The following SNTB2 variants were observed in gnomAD, a reference collection of about 807,000 sequenced individuals.
The protein encoded by SNTB2 is syntrophin beta 2.
A neutral mutation model predicts 46.2 loss-of-function variants in SNTB2; 34 were observed. The ratio of observed to expected loss-of-function variants is 0.74; its 90% CI spans 0.56 to 0.98. SNTB2 has a LOEUF of 0.98. Among genes scored for constraint, SNTB2 ranks in the 50% least tolerant of loss-of-function variants. The probability of loss-of-function intolerance (pLI) is 0.00; values close to 1 mark genes in which losing one functional copy is unlikely to be tolerated. For missense variants in SNTB2, 603 were observed against 731.4 expected (o/e 0.82, Z 2.02); for synonymous variants, 290 against 312.6 (o/e 0.93, Z 0.76).
At chr16:69,203,354 A>T in intron 1 of SNTB2, among the ~76,000 whole-genome samples, 1 of 151,346 alleles carries the variant, frequency 6.6e-6, no homozygotes, top group South Asian at 2.1e-4. Flanking sequence ...TTATTTTAAG[A>T]GACAGGGTCT....
intron 5 of SNTB2, among the ~76,000 whole-genome samples, chr16:69,290,941 C>T (rs1965154129): frequency 6.6e-6 from 1 of 152,156 alleles, no homozygotes; most frequent in Non-Finnish European, 1.5e-5. Flanking sequence ...GAAGGATATA[C>T]AATATCAGTC....
intron 2 of SNTB2, among the ~76,000 whole-genome samples, chr16:69,251,581 C>G (rs1197785147): frequency 6.6e-6 from 1 of 151,266 alleles, no homozygotes; most frequent in Non-Finnish European, 1.5e-5. Context: ...GAGTTCAAGA[C>G]CAGCCTGACC....
intron 1 of SNTB2, among the ~76,000 whole-genome samples, chr16:69,202,520 A>G (rs976599652): frequency 1.3e-5 from 2 of 151,952 alleles, no homozygotes; most frequent in African/African-American, 4.8e-5. Context: ...CTCCCACCTC[A>G]GCCTCCTGAG....
chr16:69,293,247 G>A (rs1488368255), intron 5 of SNTB2, among the ~76,000 whole-genome samples: 1 of 152,128 alleles, frequency 6.6e-6, no homozygotes, highest in Non-Finnish European at 1.5e-5. Context: ...ACAATCACCA[G>A]GGGAAACCCA....
chr16:69,271,684 T>G (rs1597194756), intron 4 of SNTB2, among the ~76,000 whole-genome samples: 1 of 152,214 alleles, frequency 6.6e-6, no homozygotes, highest in African/African-American at 2.4e-5. Flanking sequence ...AATATGGCTG[T>G]GGAGATCTCT....
At chr16:69,235,794 A>AGCT (rs2152295543) in intron 1 of SNTB2, 1 of 1,289,350 alleles carries the variant, frequency 7.8e-7, no homozygotes, top group Admixed American at 2.3e-5. Flanking sequence ...GGGGCACATC[A>AGCT]GCTGCTGTAC....
At chr16:69,207,829 CA>C (rs149811517) in intron 1 of SNTB2, among the ~76,000 whole-genome samples, 8,168 of 152,068 alleles carry the variant, frequency 0.054, 247 homozygotes, top group South Asian at 0.074. Context: ...AAAAATAGGC[CA>C]GGGGTGGTGG....
At position 69,306,549 on chromosome 16, in the gene SNTB2, A is replaced by G. The variant is rs1965317761; in HGVS notation, c.*5625A>G. The G allele has an allele frequency of 6.6e-6, 1 of 152,246 alleles. No individual in the cohort carries two copies. Among genetic ancestry groups the G allele is most frequent in the Non-Finnish European group, 1.5e-5 (1 of 68,042 alleles). The allele number at this position is 152,246 out of a possible 1,614,324, so 9.4% of individuals were successfully genotyped here. On this transcript the variant is annotated 3_prime_UTR_variant, in exon 7 of 7. Transcript: ENST00000336278. ...CCACCATATAAACCATAATCCTTGA[A>G]TTGCCCCTTTTAAAATAGATTGGTT...
chr16:69,253,126 C>T (rs1407165407), intron 2 of SNTB2, among the ~76,000 whole-genome samples: 1 of 151,314 alleles, frequency 6.6e-6, no homozygotes, highest in African/African-American at 2.4e-5. Flanking sequence ...GTCTCGATCT[C>T]CTGACCTCGT....
chr16:69,291,778 A>G (rs954278633), intron 5 of SNTB2, among the ~76,000 whole-genome samples: 1 of 152,130 alleles, frequency 6.6e-6, no homozygotes, highest in African/African-American at 2.4e-5. Flanking sequence ...TCTCTATGAA[A>G]AATTTTGAAA....
intron 5 of SNTB2, among the ~76,000 whole-genome samples, chr16:69,288,234 C>G (rs1965124802): frequency 6.6e-6 from 1 of 152,050 alleles, no homozygotes; most frequent in South Asian, 2.1e-4. Context: ...CTTGGATTTT[C>G]AGCATTTTTT....
chr16:69,253,683 T>C (rs1964746539), intron 2 of SNTB2, among the ~76,000 whole-genome samples: 1 of 152,156 alleles, frequency 6.6e-6, no homozygotes, highest in Non-Finnish European at 1.5e-5. Context: ...GCTGTTTAAC[T>C]GTCAGTGGGA....
intron 2 of SNTB2, among the ~76,000 whole-genome samples, chr16:69,259,061 C>G (rs1016440627): frequency 5.9e-5 from 9 of 151,990 alleles, no homozygotes; most frequent in Non-Finnish European, 1.3e-4. Context: ...TGTGGTTCAG[C>G]AAGCATGCTT....
chr16:69,224,188 A>C (rs1964435172), intron 1 of SNTB2, among the ~76,000 whole-genome samples: 1 of 150,522 alleles, frequency 6.6e-6, no homozygotes, highest in Admixed American at 6.8e-5. Context: ...TCTCCACATA[A>C]AGTTACTATT....
At chr16:69,287,686 C>G (rs1406153586) in intron 5 of SNTB2, among the ~76,000 whole-genome samples, 1 of 151,772 alleles carries the variant, frequency 6.6e-6, no homozygotes, top group Non-Finnish European at 1.5e-5. Flanking sequence ...TAGTGAAACC[C>G]CGTCTTTACT....
intron 4 of SNTB2, among the ~76,000 whole-genome samples, chr16:69,278,241 G>C (rs985721988): frequency 6.6e-6 from 1 of 152,024 alleles, no homozygotes; most frequent in Non-Finnish European, 1.5e-5. Flanking sequence ...GTTTGAGCTG[G>C]GTAGGTGGAG....
chr16:69,234,702 A>AT (rs199980967), intron 1 of SNTB2, among the ~76,000 whole-genome samples: 3,501 of 136,400 alleles, frequency 0.026, 135 homozygotes, highest in African/African-American at 0.084. Flanking sequence ...ACAACTTGGT[A>AT]TTTTTTTTTT....
chr16:69,269,648 T>A (rs1309486134), intron 3 of SNTB2, among the ~76,000 whole-genome samples: 1 of 152,268 alleles, frequency 6.6e-6, no homozygotes, highest in African/African-American at 2.4e-5. Context: ...ATTGTAAGTC[T>A]TGATCAAAAA....
In SNTB2 at chr16:69,214,671, C is replaced by T. The variant is rs143389670; in HGVS notation, c.580+26925C>T. ...CCTCCTGAGTAGCTGGGATTACAGG[C>T]GCCTGCCACCACGCCTGGCTAATTT... On this transcript the variant is annotated intron_variant, in intron 1 of 6. Transcript: ENST00000336278. Among the ~76,000 whole-genome samples the T allele has an allele frequency of 4.6e-3, 689 of 149,968 alleles. 3 individuals are homozygous for T. The highest frequency in any genetic ancestry group is 0.027 in the East Asian group (134 of 4,986).
Sources: gnomAD v4.1 joint callset for allele counts (sites outside exome capture counted in the v4.1 genomes callset) on GRCh38, gnomAD v4.1.1 for gene constraint, MANE v1.5 for transcripts, NCBI Gene and HGNC (gene_info 2026-07-23, HGNC 2026-07-21) for gene names.